ME3: variants seen among roughly 807,000 people sequenced by gnomAD.
ME3 encodes the protein malic enzyme 3.
ME3 carries 48 observed loss-of-function variants against 68.9 expected under a neutral mutation model. The observed-to-expected ratio is 0.70, with a 90% CI of 0.55 to 0.89. The LOEUF (loss-of-function observed/expected upper bound fraction) is 0.89, where lower values mean the gene tolerates loss of function less well. Among genes scored for constraint, ME3 ranks in the 40% least tolerant of loss-of-function variants. The pLI is 0.00. For synonymous variants in ME3, 320 were observed against 318.8 expected, an observed-to-expected ratio of 1.00 and a Z score of -0.04; for missense variants, 675 against 797.4, an observed-to-expected ratio of 0.85 and a Z score of 1.85.
chr11:86,617,347 C>G (rs1943048047), intron 2 of ME3, among the ~76,000 whole-genome samples: 1 of 151,814 alleles, frequency 6.6e-6, no homozygotes, highest in African/African-American at 2.4e-5. Flanking sequence ...GTTCTTCTTT[C>G]CAATTCTTAG....
At chr11:86,461,036 T>A (rs621653) in intron 8 of ME3, among the ~76,000 whole-genome samples, 1 of 152,078 alleles carries the variant, frequency 6.6e-6, no homozygotes, top group East Asian at 1.9e-4. Flanking sequence ...GAGGGCAGGA[T>A]GACAGCAGCA....
intron 8 of ME3, chr11:86,463,990 G>C: frequency 3.1e-6 from 1 of 326,246 alleles, no homozygotes; most frequent in Admixed American, 4.3e-5. Flanking sequence ...AGAGTGCTTA[G>C]AACAGTGCCC....
At chr11:86,453,720 G>A (rs1317782193) in intron 8 of ME3, among the ~76,000 whole-genome samples, 2 of 152,126 alleles carry the variant, frequency 1.3e-5, no homozygotes, top group Non-Finnish European at 2.9e-5. Flanking sequence ...CTGCATTTTG[G>A]TTTTGCTAAA....
chr11:86,449,488 A>G (rs1323516071), intron 10 of ME3, among the ~76,000 whole-genome samples: 1 of 152,234 alleles, frequency 6.6e-6, no homozygotes, highest in Non-Finnish European at 1.5e-5. Context: ...GAGCACTATC[A>G]GAAGATAAGG....
At chr11:86,635,624 TA>T (rs34754668) in intron 2 of ME3, among the ~76,000 whole-genome samples, 1 of 152,178 alleles carries the variant, frequency 6.6e-6, no homozygotes, top group African/African-American at 2.4e-5. Context: ...AGTAGGTTTC[TA>T]AAAAAAGGAT....
chr11:86,520,267 C>G (rs963171828), intron 4 of ME3, among the ~76,000 whole-genome samples: 1 of 152,138 alleles, frequency 6.6e-6, no homozygotes, highest in Admixed American at 6.5e-5. Flanking sequence ...GTGGGACCTC[C>G]CTGGAATGGA....
chr11:86,555,335 A>G (rs1177574225), intron 4 of ME3, among the ~76,000 whole-genome samples: 1 of 152,174 alleles, frequency 6.6e-6, no homozygotes, highest in Non-Finnish European at 1.5e-5. Context: ...GAACAGGGGA[A>G]GTACATAGAG....
rs374052947 is a variant in ME3, at chr11:86,458,336, C to T, written c.919+6755G>A. Among the ~76,000 whole-genome samples, 46 of 152,344 alleles carry T rather than the reference C, an allele frequency of 3.0e-4. No homozygotes were observed. In the East Asian group the frequency reaches 8.3e-3, roughly 27 times the overall value. ...TTGGACACCAAGCAAAGGCTTTCTACATTACTTCAGTGCAATTTTGTGTCA... is the reference window on the plus strand; with the variant it reads ...TTGGACACCAAGCAAAGGCTTTCTATATTACTTCAGTGCAATTTTGTGTCA... On this transcript the variant is annotated intron_variant, in intron 8 of 14. Transcript: ENST00000543262.
intron 7 of ME3, among the ~76,000 whole-genome samples, chr11:86,467,715 C>CG (rs200157818): frequency 0.076 from 11,497 of 151,094 alleles, 491 homozygotes; most frequent in South Asian, 0.1. Context: ...ACACACACCC[C>CG]TTTAAGCAAC....
chr11:86,499,528 G>A (rs1274806552), intron 5 of ME3, among the ~76,000 whole-genome samples: 1 of 152,178 alleles, frequency 6.6e-6, no homozygotes. Context: ...GGCAATGGGG[G>A]TAAAGAGATG....
chr11:86,661,172 T>C (rs117214128), intron 2 of ME3, among the ~76,000 whole-genome samples: 1 of 152,374 alleles, frequency 6.6e-6, no homozygotes, highest in Non-Finnish European at 1.5e-5. Flanking sequence ...ATACATGTGC[T>C]AATAAATGTA....
At chr11:86,607,053 G>A (rs1344974613) in intron 2 of ME3, among the ~76,000 whole-genome samples, 1 of 152,108 alleles carries the variant, frequency 6.6e-6, no homozygotes, top group Non-Finnish European at 1.5e-5. Context: ...TTTTGTTATT[G>A]TTGTTGTTGT....
intron 2 of ME3, among the ~76,000 whole-genome samples, chr11:86,609,073 G>C (rs1313567805): frequency 6.6e-6 from 1 of 152,146 alleles, no homozygotes; most frequent in East Asian, 1.9e-4. Flanking sequence ...CCATTTTACA[G>C]ACCAGGAAGC....
At chr11:86,558,585 G>A (rs182332363) in intron 3 of ME3, among the ~76,000 whole-genome samples, 306 of 152,184 alleles carry the variant, frequency 2.0e-3, no homozygotes, top group Middle Eastern at 6.8e-3. Flanking sequence ...GCTCCTAGGG[G>A]GACAGCCACA....
At chr11:86,548,812 A>T (rs966819184) in intron 4 of ME3, among the ~76,000 whole-genome samples, 1 of 152,184 alleles carries the variant, frequency 6.6e-6, no homozygotes, top group Admixed American at 6.5e-5. Context: ...AGTTCATGAC[A>T]GGAACCCATA....
intron 2 of ME3, among the ~76,000 whole-genome samples, chr11:86,666,345 A>G (rs1322302987): frequency 1.3e-5 from 2 of 152,218 alleles, no homozygotes; most frequent in Non-Finnish European, 2.9e-5. Context: ...TGTAAAATGC[A>G]TACTGGATGG....
chr11:86,471,224 C>G (rs1158036352), intron 7 of ME3, among the ~76,000 whole-genome samples: 3 of 149,458 alleles, frequency 2.0e-5, no homozygotes, highest in African/African-American at 7.5e-5. Flanking sequence ...CCTCCTCCAC[C>G]TCCCGGGTTC....
intron 5 of ME3, among the ~76,000 whole-genome samples, chr11:86,501,691 G>T (rs1451155172): frequency 6.6e-6 from 1 of 152,088 alleles, no homozygotes; most frequent in East Asian, 1.9e-4. Flanking sequence ...CTGTCCTCCT[G>T]CTCTCTGTTA....
chr11:86,461,972 AC>A (rs113282603), intron 8 of ME3, among the ~76,000 whole-genome samples: 16 of 152,334 alleles, frequency 1.1e-4, no homozygotes, highest in African/African-American at 3.4e-4. Flanking sequence ...AAACCATCCC[AC>A]TTGGTTTTGC....
Sources: gnomAD v4.1 joint callset for allele counts (sites outside exome capture counted in the v4.1 genomes callset) on GRCh38, gnomAD v4.1.1 for gene constraint, MANE v1.5 for transcripts, NCBI Gene and HGNC (gene_info 2026-07-23, HGNC 2026-07-21) for gene names.